The following HIVEP3 variants were observed in gnomAD, a reference collection of about 807,000 sequenced individuals.
HIVEP3 encodes the protein HIVEP zinc finger 3.
A neutral mutation model predicts 152.8 loss-of-function variants in HIVEP3; 49 were observed. That is an observed-to-expected ratio of 0.32 (90% CI 0.26 to 0.41). HIVEP3 has a LOEUF of 0.41. HIVEP3 is among the 10% of genes least tolerant of loss of function. The probability of loss-of-function intolerance (pLI) is 1.00; values close to 1 mark genes in which losing one functional copy is unlikely to be tolerated. For synonymous variants in HIVEP3, 1,269 were observed against 1,289.0 expected (o/e 0.98, Z 0.33); for missense variants, 2,790 against 3,103.3 (o/e 0.90, Z 2.40).
At chr1:41,604,102 C>T (rs1334315742) in intron 3 of HIVEP3, among the ~76,000 whole-genome samples, 2 of 152,188 alleles carry the variant, frequency 1.3e-5, no homozygotes, top group Admixed American at 1.3e-4. Context: ...TAAATAGACA[C>T]ATTTGGACAA....
chr1:42,023,176 T>C (rs997031132), intron 1 of HIVEP3, among the ~76,000 whole-genome samples: 3 of 152,086 alleles, frequency 2.0e-5, no homozygotes, highest in Non-Finnish European at 2.9e-5. Context: ...CTGGCTAATT[T>C]TTTTATTTTT....
chr1:41,787,149 T>A (rs748035039), intron 1 of HIVEP3, among the ~76,000 whole-genome samples: 3 of 152,182 alleles, frequency 2.0e-5, no homozygotes, highest in Non-Finnish European at 4.4e-5. Context: ...CAAAATGCTA[T>A]CATTTTATTG....
intron 1 of HIVEP3, among the ~76,000 whole-genome samples, chr1:41,893,760 A>G (rs1644484807): frequency 6.8e-6 from 1 of 147,650 alleles, no homozygotes; most frequent in Non-Finnish European, 1.5e-5. Flanking sequence ...ATATTCATAT[A>G]TACATATTTT....
rs867152670 is a variant in HIVEP3 at position 41,817,614 on chromosome 1, C to T, written c.-801+100799G>A. On this transcript the variant is annotated intron_variant, in intron 1 of 8. Coordinates refer to ENST00000372583, the MANE Select transcript of HIVEP3 (RefSeq NM_024503.5). ...CCAGGAGGACCTGTGGTTCAATGCTCCATTTAGAGGTATGTTTAACTTCTG... is the reference window on the plus strand; with the variant it reads ...CCAGGAGGACCTGTGGTTCAATGCTTCATTTAGAGGTATGTTTAACTTCTG... 3.3e-5 allele frequency among the ~76,000 whole-genome samples: 5 copies of T among 152,240 alleles called. 1 individual carries two copies. The Middle Eastern group carries it at 0.014, about 414-fold the overall frequency.
chr1:41,585,011 T>C lies in HIVEP3; in HGVS notation c.-214A>G, dbSNP rs976569025. ...ATCAGGGCCCACGCTATTCTATTGGTGAGGCATGGCCCTCTACTTTGCAGA... is the reference window on the plus strand; with the variant it reads ...ATCAGGGCCCACGCTATTCTATTGGCGAGGCATGGCCCTCTACTTTGCAGA... On this transcript the variant is annotated 5_prime_UTR_variant, in exon 4 of 9. Coordinates refer to ENST00000372583, the MANE Select transcript of HIVEP3 (RefSeq NM_024503.5). 10 of 416,158 alleles carry C rather than the reference T, an allele frequency of 2.4e-5. No homozygotes were observed. Among genetic ancestry groups the C allele is most frequent in the African/African-American group, 1.8e-4 (9 of 48,936 alleles). The allele number at this position is 416,158 out of a possible 1,614,324, so 25.8% of individuals were successfully genotyped here.
At chr1:41,632,616 C>T (rs1423223421) in intron 2 of HIVEP3, among the ~76,000 whole-genome samples, 1 of 152,022 alleles carries the variant, frequency 6.6e-6, no homozygotes, top group Non-Finnish European at 1.5e-5. Flanking sequence ...ATTAGCCAGG[C>T]GTGGTGGCAC....
At chr1:41,597,193 C>T (rs548755702) in intron 3 of HIVEP3, among the ~76,000 whole-genome samples, 16 of 152,176 alleles carry the variant, frequency 1.1e-4, no homozygotes, top group Non-Finnish European at 2.2e-4. Context: ...GAGTTAGACC[C>T]GGCTGGTATT....
At chr1:41,784,300 C>T (rs990424001) in intron 1 of HIVEP3, among the ~76,000 whole-genome samples, 1 of 152,188 alleles carries the variant, frequency 6.6e-6, no homozygotes, top group African/African-American at 2.4e-5. Context: ...AATGTAAAAT[C>T]TGTTATTAAT....
chr1:41,952,760 A>G (rs1645115335), intron 1 of HIVEP3, among the ~76,000 whole-genome samples: 1 of 152,250 alleles, frequency 6.6e-6, no homozygotes, highest in Non-Finnish European at 1.5e-5. Context: ...GAAAATATAT[A>G]AAGTAACAAA....
At chr1:41,970,353 A>T (rs775422737) in intron 1 of HIVEP3, among the ~76,000 whole-genome samples, 1 of 152,254 alleles carries the variant, frequency 6.6e-6, no homozygotes, top group South Asian at 2.1e-4. Flanking sequence ...AATACCATGC[A>T]GCCATAAAAA....
chr1:41,770,438 G>T (rs917456677), intron 1 of HIVEP3, among the ~76,000 whole-genome samples: 4 of 152,128 alleles, frequency 2.6e-5, no homozygotes, highest in African/African-American at 9.7e-5. Flanking sequence ...CGGATGTATT[G>T]ACTGGCTTCT....
chr1:41,829,603 A>G (rs1199117201), intron 1 of HIVEP3, among the ~76,000 whole-genome samples: 1 of 151,758 alleles, frequency 6.6e-6, no homozygotes, highest in Non-Finnish European at 1.5e-5. Flanking sequence ...AATAAATTAA[A>G]TAATAATAAA....
chr1:41,668,106 A>T (rs1356097304), intron 2 of HIVEP3, among the ~76,000 whole-genome samples: 2 of 152,216 alleles, frequency 1.3e-5, no homozygotes, highest in African/African-American at 4.8e-5. Flanking sequence ...CTTTCATCCA[A>T]CTGATTGATA....
At chr1:41,812,030 A>G (rs1650990493) in intron 1 of HIVEP3, among the ~76,000 whole-genome samples, 2 of 152,150 alleles carry the variant, frequency 1.3e-5, no homozygotes. Flanking sequence ...CCATTTTTAC[A>G]ATGGTATAAA....
chr1:41,619,652 G>T (rs866870965), intron 3 of HIVEP3, among the ~76,000 whole-genome samples: 1 of 152,160 alleles, frequency 6.6e-6, no homozygotes, highest in East Asian at 1.9e-4. Flanking sequence ...TGGTATGGGT[G>T]TTAGGAGTGG....
chr1:41,599,653 T>C (rs1035263293), intron 3 of HIVEP3, among the ~76,000 whole-genome samples: 8 of 152,166 alleles, frequency 5.3e-5, no homozygotes, highest in Non-Finnish European at 1.2e-4. Context: ...GGAAGAAGCT[T>C]CATCACATTG....
intron 6 of HIVEP3, among the ~76,000 whole-genome samples, chr1:41,523,954 A>C (rs1192716558): frequency 2.0e-5 from 3 of 152,218 alleles, no homozygotes; most frequent in Non-Finnish European, 2.9e-5. Flanking sequence ...ATCCTGCAGT[A>C]GGAGAGTGCA....
At chr1:41,721,183 A>T (rs1478977810) in intron 1 of HIVEP3, among the ~76,000 whole-genome samples, 6 of 151,572 alleles carry the variant, frequency 4.0e-5, no homozygotes, top group Non-Finnish European at 8.8e-5. Context: ...GGTAGATCTC[A>T]TGTGAAACAT....
chr1:41,791,885 T>C (rs1310869878), intron 1 of HIVEP3, among the ~76,000 whole-genome samples: 1 of 151,700 alleles, frequency 6.6e-6, no homozygotes, highest in Non-Finnish European at 1.5e-5. Context: ...CAATGCATCA[T>C]GCTTTTCTCA....
Sources: gnomAD v4.1 joint callset for allele counts (sites outside exome capture counted in the v4.1 genomes callset) on GRCh38, gnomAD v4.1.1 for gene constraint, MANE v1.5 for transcripts, NCBI Gene and HGNC (gene_info 2026-07-23, HGNC 2026-07-21) for gene names.